Variants in SLC4A4 observed in about 807,000 individuals in gnomAD.
SLC4A4 encodes the protein solute carrier family 4 member 4, also known as electrogenic sodium bicarbonate cotransporter 1.
In SLC4A4, 27 loss-of-function variants were observed where a neutral mutation model predicts 111.5. The ratio of observed to expected loss-of-function variants is 0.24; its 90% CI spans 0.18 to 0.33. SLC4A4 has a LOEUF of 0.33. SLC4A4 is among the 10% of genes least tolerant of loss of function. The pLI, the probability that SLC4A4 is intolerant of heterozygous loss-of-function variation, is 1.00. For synonymous variants in SLC4A4, 443 were observed against 463.4 expected (o/e 0.96, Z 0.57); for missense variants, 909 against 1,315.5 (o/e 0.69, Z 4.78).
At chr4:71,558,056 A>G (rs919214543) in intron 22 of SLC4A4, among the ~76,000 whole-genome samples, 171 bp downstream of exon 22, 24 of 152,050 alleles carry the variant, frequency 1.6e-4, no homozygotes, top group African/African-American at 5.5e-4. Context: ...GTTGTCTAGG[A>G]TGGACCTTAG....
intron 3 of SLC4A4, among the ~76,000 whole-genome samples, chr4:71,315,945 C>T (rs1445764948): frequency 6.6e-6 from 1 of 152,092 alleles, no homozygotes; most frequent in Non-Finnish European, 1.5e-5. Flanking sequence ...TTTAGCTTCA[C>T]TTTGTTGCAT....
chr4:71,439,369 A>G (rs1436598746), intron 7 of SLC4A4, among the ~76,000 whole-genome samples: 1 of 136,676 alleles, frequency 7.3e-6, no homozygotes, highest in Non-Finnish European at 1.5e-5. Context: ...CAAAGGTTGC[A>G]GTGAGCCGAG....
chr4:71,462,075 C>A (rs1305348126), intron 12 of SLC4A4, among the ~76,000 whole-genome samples: 2 of 151,920 alleles, frequency 1.3e-5, no homozygotes, highest in African/African-American at 2.4e-5. Context: ...ATTTCTTTTT[C>A]TCTCCTTCGT....
chr4:71,158,990 C>G (rs557572477), intron 2 of SLC4A4, among the ~76,000 whole-genome samples: 43 of 152,192 alleles, frequency 2.8e-4, no homozygotes, highest in African/African-American at 9.9e-4. Flanking sequence ...TACTTCATAT[C>G]TGTTTTATTA....
chr4:71,106,964 G>T (rs1742946313), intron 2 of SLC4A4, among the ~76,000 whole-genome samples: 1 of 148,918 alleles, frequency 6.7e-6, no homozygotes, highest in South Asian at 2.1e-4. Flanking sequence ...AAAAAAGTCT[G>T]TAAAGAGACT....
intron 6 of SLC4A4, among the ~76,000 whole-genome samples, chr4:71,357,463 C>G (rs1363951531): frequency 1.3e-5 from 2 of 152,082 alleles, no homozygotes; most frequent in Non-Finnish European, 2.9e-5. Flanking sequence ...AGTAGTAACT[C>G]TATGATGAAA....
intron 3 of SLC4A4, among the ~76,000 whole-genome samples, chr4:71,258,304 G>A (rs1300777495): frequency 6.6e-6 from 1 of 152,178 alleles, no homozygotes; most frequent in Non-Finnish European, 1.5e-5. Context: ...TTCTGTTCCT[G>A]TATGTTCTGG....
intron 2 of SLC4A4, among the ~76,000 whole-genome samples, chr4:71,181,300 G>T (rs966357221): frequency 3.0e-4 from 46 of 151,944 alleles, no homozygotes; most frequent in African/African-American, 1.1e-3. Context: ...CACCAACATG[G>T]CACATGTATA....
At position 71,377,205 on chromosome 4, in the gene SLC4A4, T is replaced by G. The variant is rs1732491248; in HGVS notation, c.730+20018T>G. Among the ~76,000 whole-genome samples, 3 of 152,230 alleles carry G rather than the reference T, an allele frequency of 2.0e-5. No homozygotes were observed. In the South Asian group the frequency reaches 6.2e-4, roughly 32 times the overall value. On this transcript the variant is annotated intron_variant, in intron 6 of 25. Coordinates refer to ENST00000264485, the MANE Select transcript of SLC4A4 (RefSeq NM_001098484.3). The stretch of plus-strand genomic sequence containing the variant: ...GTAAAGGTGTTCTGAGACCAAAAAG[T>G]TTGATAACTGCTACTTCTTTGTGTC...
Position 71,567,024 on chromosome 4 carries a change from C to G in SLC4A4, c.3217C>G (p.Leu1073Val). The change falls in exon 25 of 26, where the codon CTT (leucine) becomes GTT (valine). Residue 1073 changes from leucine to valine, a missense_variant. Around this residue, in one of 7 missense-constraint regions of SLC4A4, gnomAD observed 85 missense variants for 79.8 expected, o/e 1.07. Coordinates refer to ENST00000264485, the MANE Select transcript of SLC4A4 (RefSeq NM_001098484.3). ...TCCAGGAGAAAGATCACCAACATTC[C>G]TTGAACGCCACACATCATGCTGATA... is the stretch of plus-strand genomic sequence containing the variant. ...PSDRERSPTF[L>V]ERHTSC is the part of the protein sequence containing the mutation. The G allele has an allele frequency of 6.2e-7, 1 of 1,609,982 alleles. No individual in the cohort carries two copies.
intron 14 of SLC4A4, among the ~76,000 whole-genome samples, chr4:71,484,411 T>C (rs1379877650): frequency 6.6e-6 from 1 of 151,786 alleles, no homozygotes; most frequent in African/African-American, 2.4e-5. Context: ...GTTATCCCAG[T>C]ACTACTTATT....
chr4:71,357,165 G>A lies in SLC4A4; in HGVS notation c.708G>A (p.Arg236=). ...GGAAGACAGTCTCCAGTGCAAGTAG[G>A]ATGTTTACCAACCCTGATAATGGTA... ...DIGKTVSSAS[R]MFTNPDNGSP... is the part of the protein sequence containing the mutation. The change falls in exon 6 of 26, where the codon AGG becomes AGA. Residue 236 remains arginine (R), a synonymous_variant. Transcript: ENST00000264485. The A allele has an allele frequency of 6.2e-7, 1 of 1,614,122 alleles. No individual in the cohort carries two copies.
intron 1 of SLC4A4, 75 bp from the exon 2 acceptor site, chr4:71,236,501 C>A: frequency 7.3e-7 from 1 of 1,378,648 alleles, no homozygotes; most frequent in Non-Finnish European, 1.0e-6. Flanking sequence ...TTAACCTGCC[C>A]AGAAGCTGGG....
chr4:71,423,555 A>C (rs1181074792), intron 7 of SLC4A4, among the ~76,000 whole-genome samples: 4 of 152,176 alleles, frequency 2.6e-5, no homozygotes, highest in Non-Finnish European at 5.9e-5. Context: ...CCAAAAGAAC[A>C]AAGCTGGAGG....
At chr4:71,272,078 A>G (rs560420430) in intron 3 of SLC4A4, among the ~76,000 whole-genome samples, 7 of 152,362 alleles carry the variant, frequency 4.6e-5, no homozygotes, top group African/African-American at 1.7e-4. Flanking sequence ...ATAATGTGTT[A>G]GAGACATAAA....
rs896538710 is a variant in SLC4A4, at chr4:71,100,551, C to T, written c.-2+7759C>T. On this transcript the variant is annotated intron_variant, in intron 2 of 26. Transcript: ENST00000649996. ...AAAACTGACACAAGACAAGGATGCC[C>T]TTTCCCACAACATCTATTCAACATA... 2.0e-5 allele frequency among the ~76,000 whole-genome samples: 3 copies of T among 152,254 alleles called. No individual in the cohort carries two copies. In the South Asian group the frequency reaches 6.2e-4, roughly 32 times the overall value.
chr4:71,300,973 A>G (rs1255830235), intron 3 of SLC4A4: 8 of 501,620 alleles, frequency 1.6e-5, no homozygotes, highest in African/African-American at 3.9e-5. Flanking sequence ...GATCATGTGA[A>G]GGGAGCAGCT....
intron 3 of SLC4A4, among the ~76,000 whole-genome samples, chr4:71,316,433 G>C (rs1158791226): frequency 1.3e-5 from 2 of 152,122 alleles, no homozygotes; most frequent in African/African-American, 4.8e-5. Context: ...ACATCTGTTT[G>C]ACATATTTCA....
chr4:71,496,473 C>T (rs1191806433), intron 15 of SLC4A4, among the ~76,000 whole-genome samples: 1 of 151,984 alleles, frequency 6.6e-6, no homozygotes, highest in African/African-American at 2.4e-5. Context: ...TAGAGTTGCT[C>T]TCACCTGGAG....
Sources: allele counts gnomAD v4.1 joint callset (sites outside exome capture counted in the v4.1 genomes callset), GRCh38; gene constraint gnomAD v4.1.1; regional missense constraint gnomAD v4.1.1; transcripts MANE v1.5; gene names NCBI Gene and HGNC (gene_info 2026-07-23, HGNC 2026-07-21).